The following FAT3 variants were observed in gnomAD, a reference collection of about 807,000 sequenced individuals.
FAT3 encodes the protein protocadherin Fat 3.
In FAT3, 95 loss-of-function variants were observed where a neutral mutation model predicts 310.2. The observed-to-expected ratio is 0.31, with a 90% CI of 0.26 to 0.36. FAT3 has a LOEUF of 0.36. FAT3 is among the 10% of genes least tolerant of loss of function. The pLI, the probability that FAT3 is intolerant of heterozygous loss-of-function variation, is 1.00. For missense variants in FAT3, 5,408 were observed against 5,715.6 expected (o/e 0.95, Z 1.74); for synonymous variants, 2,314 against 2,192.9 (o/e 1.06, Z -1.54).
chr11:92,877,261 A>C lies in FAT3; in HGVS notation c.12128-3470A>C, dbSNP rs575962219. ...CAAAAACTCAGGAACTGGAGGCACC[A>C]GTCACTTCTGAAGGGGGAGAGATGG... On this transcript the variant is annotated intron_variant, in intron 22 of 27. Transcript: ENST00000525166. Among the ~76,000 whole-genome samples, 5 of 152,350 alleles carry C rather than the reference A, an allele frequency of 3.3e-5. No individual in the cohort carries two copies. The South Asian group carries it at 1.0e-3, about 32-fold the overall frequency.
At chr11:92,357,037 T>C (rs960572033) in intron 2 of FAT3, among the ~76,000 whole-genome samples, 6 of 152,340 alleles carry the variant, frequency 3.9e-5, no homozygotes, top group Admixed American at 3.9e-4. Flanking sequence ...CTTTGCCACA[T>C]ACTGTATGTT....
intron 2 of FAT3, among the ~76,000 whole-genome samples, chr11:92,487,552 A>G (rs1272997711): frequency 1.3e-5 from 2 of 152,068 alleles, no homozygotes; most frequent in African/African-American, 4.8e-5. Flanking sequence ...AGATCTTTTA[A>G]CTCTCGCAAC....
chr11:92,718,773 T>A (rs555357813), intron 4 of FAT3, among the ~76,000 whole-genome samples: 1 of 152,332 alleles, frequency 6.6e-6, no homozygotes, highest in South Asian at 2.1e-4. Context: ...AATGAATTTC[T>A]ACAAGTGAAC....
intron 6 of FAT3, among the ~76,000 whole-genome samples, chr11:92,771,836 C>G (rs1233450658): frequency 6.6e-6 from 1 of 151,684 alleles, no homozygotes; most frequent in East Asian, 1.9e-4. Flanking sequence ...AGCACACACT[C>G]TATATGCCAT....
chr11:92,479,387 A>T (rs1952154440), intron 2 of FAT3, among the ~76,000 whole-genome samples: 2 of 150,926 alleles, frequency 1.3e-5, no homozygotes, highest in Middle Eastern at 3.4e-3. Context: ...AAATACAGCG[A>T]CTCCAAAGTT....
intron 3 of FAT3, among the ~76,000 whole-genome samples, chr11:92,663,074 C>T (rs1426319841): frequency 1.3e-5 from 2 of 152,134 alleles, no homozygotes; most frequent in African/African-American, 2.4e-5. Context: ...GCACGTGTTC[C>T]GGAAGCCCAG....
chr11:92,623,371 A>G (rs1941175144), intron 3 of FAT3, among the ~76,000 whole-genome samples: 1 of 152,156 alleles, frequency 6.6e-6, no homozygotes. Context: ...TTAATGTTCA[A>G]CACATAGCAG....
chr11:92,338,298 A>G (rs958691129), intron 1 of FAT3, among the ~76,000 whole-genome samples: 2 of 152,198 alleles, frequency 1.3e-5, no homozygotes, highest in Non-Finnish European at 2.9e-5. Context: ...GGGGTGGCCT[A>G]GAAGAAAACT....
chr11:92,825,461 A>G (rs1948078386), intron 13 of FAT3, among the ~76,000 whole-genome samples: 1 of 152,224 alleles, frequency 6.6e-6, no homozygotes, highest in Non-Finnish European at 1.5e-5. Flanking sequence ...AAGCTGTTCC[A>G]GAGGAGACCC....
chr11:92,634,661 T>G (rs1249755904), intron 3 of FAT3, among the ~76,000 whole-genome samples: 2 of 152,176 alleles, frequency 1.3e-5, no homozygotes, highest in African/African-American at 4.8e-5. Flanking sequence ...TATGCACACT[T>G]TGAGGACCTG....
At chr11:92,868,399 T>C (rs1384156517) in intron 22 of FAT3, among the ~76,000 whole-genome samples, 1 of 152,220 alleles carries the variant, frequency 6.6e-6, no homozygotes, top group Non-Finnish European at 1.5e-5. Context: ...TTTGCTGTTT[T>C]TACTGTCTCA....
At chr11:92,808,425 C>G (rs1947568268) in intron 12 of FAT3, among the ~76,000 whole-genome samples, 1 of 152,180 alleles carries the variant, frequency 6.6e-6, no homozygotes, top group Non-Finnish European at 1.5e-5. Flanking sequence ...GTTATAGGAA[C>G]AGCATGAGCA....
chr11:92,501,974 C>A (rs150941491), intron 2 of FAT3, among the ~76,000 whole-genome samples: 3 of 151,648 alleles, frequency 2.0e-5, no homozygotes, highest in Admixed American at 2.0e-4. Flanking sequence ...TGCACGCGCG[C>A]GTGTGTGTGT....
intron 2 of FAT3, among the ~76,000 whole-genome samples, chr11:92,387,999 C>G (rs187399954): frequency 4.5e-4 from 69 of 152,272 alleles, no homozygotes; most frequent in African/African-American, 1.6e-3. Context: ...TTTTCTGGCA[C>G]AGGGACTTAA....
intron 2 of FAT3, among the ~76,000 whole-genome samples, chr11:92,463,850 C>T (rs1015837524): frequency 1.3e-5 from 2 of 152,146 alleles, no homozygotes; most frequent in Non-Finnish European, 2.9e-5. Flanking sequence ...CCCTTTCTGT[C>T]GGTGTGACAT....
chr11:92,337,217 C>G (rs182152442), intron 1 of FAT3, among the ~76,000 whole-genome samples: 1 of 152,264 alleles, frequency 6.6e-6, no homozygotes, highest in African/African-American at 2.4e-5. Context: ...TTCTTTAATG[C>G]CTGGTACTTG....
chr11:92,637,072 T>C (rs1269035660), intron 3 of FAT3, among the ~76,000 whole-genome samples: 1 of 152,098 alleles, frequency 6.6e-6, no homozygotes, highest in Non-Finnish European at 1.5e-5. Flanking sequence ...AATGAACAAA[T>C]GTTCAGTGCC....
chr11:92,482,781 A>G (rs1952268403), intron 2 of FAT3, among the ~76,000 whole-genome samples: 1 of 152,010 alleles, frequency 6.6e-6, no homozygotes, highest in Non-Finnish European at 1.5e-5. Flanking sequence ...TCAACTACAT[A>G]TTCGCCTCCG....
chr11:92,816,078 G>A (rs1452826897), intron 13 of FAT3, among the ~76,000 whole-genome samples: 1 of 152,176 alleles, frequency 6.6e-6, no homozygotes, highest in Non-Finnish European at 1.5e-5. Flanking sequence ...AACTCAGGAA[G>A]GATTCACCAA....
Sources: allele counts gnomAD v4.1 joint callset (sites outside exome capture counted in the v4.1 genomes callset), GRCh38; gene constraint gnomAD v4.1.1; transcripts MANE v1.5; gene names NCBI Gene and HGNC (gene_info 2026-07-23, HGNC 2026-07-21).